The following OSMR variants were observed in gnomAD, a reference collection of about 807,000 sequenced individuals.
OSMR encodes oncostatin-M-specific receptor subunit beta.
Under a neutral mutation model 99.9 loss-of-function variants are expected in OSMR, and 81 were observed. The observed-to-expected ratio is 0.81, with a 90% CI of 0.68 to 0.97. The LOEUF (loss-of-function observed/expected upper bound fraction) is 0.97. OSMR is among the 50% of genes least tolerant of loss of function. The pLI, the probability that OSMR is intolerant of heterozygous loss-of-function variation, is 0.00. For missense variants in OSMR, 1,099 were observed against 1,153.4 expected (o/e 0.95, Z 0.68); for synonymous variants, 406 against 410.4 (o/e 0.99, Z 0.13).
downstream of OSMR, chr5:38,945,192 C>A: frequency 1.3e-6 from 1 of 748,916 alleles, no homozygotes; most frequent in Non-Finnish European, 2.1e-6. Flanking sequence ...ATATACCAAA[C>A]ACTTCCAAAA....
chr5:38,876,308 C>A lies in OSMR; in HGVS notation c.181C>A (p.Gln61Lys), dbSNP rs1742830476. The A allele has an allele frequency of 1.2e-6, 2 of 1,612,482 alleles. No individual in the cohort carries two copies. Among genetic ancestry groups the A allele is most frequent in the Non-Finnish European group, 1.7e-6 (2 of 1,178,624 alleles). ...GACTGTCCACAACCTTCCTTATCAT[C>A]AGGAATTGAAAATGGTATTTCAGAT... is the stretch of plus-strand genomic sequence containing the variant. ...QWTVHNLPYH[Q>K]ELKMVFQIQI... The change falls in exon 3 of 18, where the codon CAG becomes AAG. Residue 61 changes from glutamine (Q) to lysine (K), a missense_variant. By Grantham distance (53) the Gln-to-Lys change is moderately conservative. Coordinates refer to ENST00000274276, the MANE Select transcript of OSMR (RefSeq NM_003999.3).
chr5:38,868,471 G>T lies in OSMR; in HGVS notation c.-13-561G>T, dbSNP rs182015450. ...CAGGGGGAGGTAATTAAATCATCAG[G>T]GCCGGTCTTTTCTGTGCTATTCTCG... On this transcript the variant is annotated intron_variant, in intron 1 of 17. Coordinates refer to ENST00000274276, the MANE Select transcript of OSMR (RefSeq NM_003999.3). Among the ~76,000 whole-genome samples, 3 of 152,208 alleles carry T rather than the reference G, an allele frequency of 2.0e-5. No homozygotes were observed. In the East Asian group the frequency reaches 5.8e-4, roughly 29 times the overall value.
Position 38,886,485 on chromosome 5 carries a change from T to C in OSMR, c.991+295T>C, listed in dbSNP as rs1380539584. 46 of 432,122 alleles carry C rather than the reference T, an allele frequency of 1.1e-4. No individual in the cohort carries two copies. The South Asian group carries it at 1.8e-3, about 16-fold the overall frequency. The allele number at this position is 432,122 out of a possible 1,614,324, so 26.8% of individuals were successfully genotyped here. ...CTGTAACGCCCCCACCTTCGCTCCT[T>C]CCGCCAAGATAATTATCACTTTAAA... On this transcript the variant is annotated intron_variant, in intron 7 of 17. Transcript: ENST00000274276.
chr5:38,850,424 G>A (rs546324737), intron 1 of OSMR, among the ~76,000 whole-genome samples: 1 of 151,954 alleles, frequency 6.6e-6, no homozygotes, highest in East Asian at 1.9e-4. Context: ...CTTTATTTTT[G>A]TTAAAAGAAA....
At chr5:38,918,288 C>T (rs1746033909) in intron 10 of OSMR, among the ~76,000 whole-genome samples, 1 of 152,078 alleles carries the variant, frequency 6.6e-6, no homozygotes, top group Non-Finnish European at 1.5e-5. Flanking sequence ...GGTACACATG[C>T]CAGGGGAGGG....
At chr5:38,852,527 A>G (rs1740462166) in intron 1 of OSMR, among the ~76,000 whole-genome samples, 1 of 152,074 alleles carries the variant, frequency 6.6e-6, no homozygotes, top group Non-Finnish European at 1.5e-5. Flanking sequence ...ACACACACAC[A>G]CAATTGTCTT....
intron 2 of OSMR, among the ~76,000 whole-genome samples, chr5:38,873,136 T>C (rs764917307): frequency 1.6e-4 from 24 of 152,212 alleles, no homozygotes; most frequent in Non-Finnish European, 1.6e-4. Flanking sequence ...CCAGTCTACT[T>C]TCTGTCTCTA....
chr5:38,889,322 T>C (rs1400598465), intron 7 of OSMR, among the ~76,000 whole-genome samples: 1 of 152,198 alleles, frequency 6.6e-6, no homozygotes, highest in East Asian at 1.9e-4. Flanking sequence ...TTCTGATCTT[T>C]AATATTTGTC....
At chr5:38,940,373 T>G (rs1270001039), downstream of OSMR, 1 of 231,944 alleles carries the variant, frequency 4.3e-6, no homozygotes, top group African/African-American at 2.2e-5. Context: ...AATCCCATTA[T>G]GAATAAGATT....
At chr5:38,936,368 T>TA (rs564312102), downstream of OSMR, among the ~76,000 whole-genome samples, 283 of 151,986 alleles carry the variant, frequency 1.9e-3, no homozygotes, top group African/African-American at 5.2e-3. Context: ...AATAATTCCT[T>TA]AAAAAAAATC....
chr5:38,901,842 A>T (rs1329399700), intron 7 of OSMR, among the ~76,000 whole-genome samples: 1 of 152,198 alleles, frequency 6.6e-6, no homozygotes. Context: ...TTTGCTGGTC[A>T]ATTTGACTAA....
chr5:38,868,304 A>T (rs551072632), intron 1 of OSMR, among the ~76,000 whole-genome samples: 1 of 152,268 alleles, frequency 6.6e-6, no homozygotes, highest in South Asian at 2.1e-4. Context: ...TCTCAGCTAG[A>T]GCAGCTGAGG....
At chr5:38,898,709 C>A (rs1450306279) in intron 7 of OSMR, among the ~76,000 whole-genome samples, 1 of 151,814 alleles carries the variant, frequency 6.6e-6, no homozygotes, top group Non-Finnish European at 1.5e-5. Flanking sequence ...TCTTTTAGTG[C>A]AGGTGATTTT....
downstream of OSMR, chr5:38,939,684 T>A: frequency 4.3e-6 from 1 of 230,664 alleles, no homozygotes; most frequent in Non-Finnish European, 8.6e-6. Context: ...TTCCTCCCAA[T>A]TATTCAATAA....
intron 1 of OSMR, among the ~76,000 whole-genome samples, chr5:38,850,963 T>C (rs1740305288): frequency 6.6e-6 from 1 of 152,192 alleles, no homozygotes; most frequent in Admixed American, 6.5e-5. Context: ...TTAAAGTATC[T>C]ACACTCTCTC....
At chr5:38,945,567 G>T (rs1378393303), downstream of OSMR, 2 of 1,613,918 alleles carry the variant, frequency 1.2e-6, no homozygotes, top group Non-Finnish European at 1.7e-6. Flanking sequence ...AATAAAGGCA[G>T]TTATCATCTG....
intron 14 of OSMR, 25 bp downstream of exon 14, chr5:38,924,620 A>G (rs1425519493): frequency 1.3e-6 from 2 of 1,529,346 alleles, no homozygotes; most frequent in South Asian, 1.1e-5. Flanking sequence ...TAATTTGTTT[A>G]TTTATTCTTT....
chr5:38,921,875 G>GTC, intron 12 of OSMR, 81 bp downstream of exon 12: 1 of 1,190,282 alleles, frequency 8.4e-7, no homozygotes, highest in Non-Finnish European at 1.3e-6. Context: ...CTACTTCACA[G>GTC]ACTTTGACTG....
intron 2 of OSMR, among the ~76,000 whole-genome samples, chr5:38,870,420 C>T (rs1742296928): frequency 6.6e-6 from 1 of 151,428 alleles, no homozygotes; most frequent in African/African-American, 2.4e-5. Flanking sequence ...CAACCTCTGC[C>T]TCCCAGGTTC....
Sources: gnomAD v4.1 joint callset for allele counts (sites outside exome capture counted in the v4.1 genomes callset) on GRCh38, gnomAD v4.1.1 for gene constraint, MANE v1.5 for transcripts, NCBI Gene and HGNC (gene_info 2026-07-23, HGNC 2026-07-21) for gene names.